The following TTLL11 variants were observed in gnomAD, a reference collection of about 807,000 sequenced individuals.
TTLL11 encodes tubulin tyrosine ligase like 11.
In TTLL11, 42 loss-of-function variants were observed where a neutral mutation model predicts 51.7. The ratio of observed to expected loss-of-function variants is 0.81; its 90% confidence interval spans 0.64 to 1.05. The LOEUF is 1.05. Ranked by LOEUF, TTLL11 falls within the 50% of genes least tolerant of loss-of-function variation. TTLL11 has a pLI of 0.00. For synonymous variants in TTLL11, 381 were observed against 383.5 expected (o/e 0.99, Z 0.08); for missense variants, 799 against 940.4 (o/e 0.85, Z 1.97).
At chr9:121,826,328 G>A (rs868472144) in intron 8 of TTLL11, among the ~76,000 whole-genome samples, 2 of 58,770 alleles carry the variant, frequency 3.4e-5, no homozygotes, top group African/African-American at 1.0e-4. Flanking sequence ...ATATATATAT[G>A]GGTTTATATA....
At chr9:121,831,479 T>A (rs1338259998) in intron 8 of TTLL11, among the ~76,000 whole-genome samples, 2 of 152,058 alleles carry the variant, frequency 1.3e-5, no homozygotes, top group Non-Finnish European at 2.9e-5. Context: ...GGTGGGTGGA[T>A]CATGAGGTCA....
rs546592335 is a variant in TTLL11 at position 121,969,169 on chromosome 9, C to T, written c.1481+4840G>A. Among the ~76,000 whole-genome samples, 10 of 152,278 alleles carry T rather than the reference C, an allele frequency of 6.6e-5. No homozygotes were observed. In the East Asian group the frequency reaches 1.9e-3, roughly 29 times the overall value. On this transcript the variant is annotated intron_variant, in intron 6 of 8. Transcript: ENST00000321582. The stretch of plus-strand genomic sequence containing the variant: ...ACAGGTGTGAGCCACCGTGCCCGGC[C>T]TCTCATTGTTTATTTGAACATCATT...
chr9:121,974,113 C>T lies in TTLL11; in HGVS notation c.1377G>A (p.Gly459=). The T allele has an allele frequency of 1.9e-6, 3 of 1,551,358 alleles. No individual in the cohort carries two copies. The highest frequency in any genetic ancestry group is 2.6e-6 in the Non-Finnish European group (3 of 1,146,884). Reference sequence around the variant, plus strand: ...CGAGGCTGGGGACATTTTCAAACACCCCTGGAGAAAGCTTGAACGGGTAAG... The same window carrying T: ...CGAGGCTGGGGACATTTTCAAACACTCCTGGAGAAAGCTTGAACGGGTAAG... ...RIEHEHELSP[G]VFENVPSLVD... The change falls in exon 6 of 9, where the codon GGG becomes GGA. Residue 459 remains glycine (G), a synonymous_variant. Transcript: ENST00000321582.
intron 2 of TTLL11, among the ~76,000 whole-genome samples, chr9:122,036,882 C>CTA (rs1844718443): frequency 6.6e-6 from 1 of 152,102 alleles, no homozygotes; most frequent in East Asian, 1.9e-4. Flanking sequence ...TGTTCCTCTG[C>CTA]CTAGAGGTTT....
Position 121,822,476 on chromosome 9 carries a change from GCTGGGCCCCTCGGCAGCCTGC to G in TTLL11, c.*90_*110del, listed in dbSNP as rs1836607469. On this transcript the variant is annotated 3_prime_UTR_variant, in exon 9 of 9. Coordinates refer to ENST00000321582, the MANE Select transcript of TTLL11 (RefSeq NM_001139442.2). The surrounding 1 kb of genome is among the most constrained non-coding windows in gnomAD (Gnocchi z 5.8). Reference sequence around the variant, plus strand: ...ACAGAGACAGTTCGTGGGGACCTCAGCTGGGCCCCTCGGCAGCCTGCCTGCCATTCCTCTGCAGGCAGAATG... The same window carrying G: ...ACAGAGACAGTTCGTGGGGACCTCAGCTGCCATTCCTCTGCAGGCAGAATG... 2 of 1,099,558 alleles carry G rather than the reference GCTGGGCCCCTCGGCAGCCTGC, an allele frequency of 1.8e-6. No homozygotes were observed. The highest frequency in any genetic ancestry group is 2.5e-6 in the Non-Finnish European group (2 of 800,534). 68.1% of individuals were successfully genotyped at this position (1,099,558 alleles called of 1,614,324 possible). A position where few individuals can be genotyped will look rare whatever the true frequency, so the allele number is the denominator to read the frequency against.
intron 7 of TTLL11, among the ~76,000 whole-genome samples, chr9:121,868,324 C>T (rs1588081898): frequency 6.6e-6 from 1 of 152,158 alleles, no homozygotes; most frequent in African/African-American, 2.4e-5. Flanking sequence ...CCTATCTGTT[C>T]TCTTCCTTCT....
At chr9:122,003,337 A>T (rs1843536559) in intron 3 of TTLL11, among the ~76,000 whole-genome samples, 1 of 151,992 alleles carries the variant, frequency 6.6e-6, no homozygotes, top group Admixed American at 6.6e-5. Flanking sequence ...ATGTGGACTG[A>T]TTATAATGTC....
chr9:121,984,457 A>G (rs1842898350), intron 4 of TTLL11, among the ~76,000 whole-genome samples: 1 of 152,150 alleles, frequency 6.6e-6, no homozygotes. Flanking sequence ...GGGAGGTACA[A>G]ATATGGTCTC....
At chr9:121,826,513 ATG>A (rs756911109) in intron 8 of TTLL11, among the ~76,000 whole-genome samples, 26,614 of 88,870 alleles carry the variant, frequency 0.3, 5,033 homozygotes, top group East Asian at 0.49. Flanking sequence ...ATATATATAT[ATG>A]TATATATATA....
intron 1 of TTLL11, among the ~76,000 whole-genome samples, chr9:122,065,549 C>T (rs778015040): frequency 1.6e-4 from 24 of 152,314 alleles, no homozygotes; most frequent in Admixed American, 2.6e-4. Flanking sequence ...AGTAGACTCA[C>T]GGAAGCAGCA....
At chr9:121,843,317 C>T (rs987561761) in intron 8 of TTLL11, among the ~76,000 whole-genome samples, 3 of 152,182 alleles carry the variant, frequency 2.0e-5, no homozygotes, top group African/African-American at 7.2e-5. Context: ...ACCATTGAGA[C>T]CTGTGAATAT....
At chr9:121,946,979 A>G (rs1037783070) in intron 6 of TTLL11, among the ~76,000 whole-genome samples, 3 of 152,038 alleles carry the variant, frequency 2.0e-5, no homozygotes, top group African/African-American at 7.2e-5. Flanking sequence ...GGTCCTCACT[A>G]TCCCTCATGG....
At chr9:121,922,639 C>G (rs936176985) in intron 6 of TTLL11, among the ~76,000 whole-genome samples, 1 of 152,110 alleles carries the variant, frequency 6.6e-6, no homozygotes, top group Non-Finnish European at 1.5e-5. Context: ...TTCTGGAAAT[C>G]CTATAGCAGC....
rs183641419 is a variant in TTLL11, at chr9:121,982,180, C to T, written c.1269+7015G>A. On this transcript the variant is annotated intron_variant, in intron 4 of 8. Coordinates refer to ENST00000321582, the MANE Select transcript of TTLL11 (RefSeq NM_001139442.2). ...CTCTGTGTCCATATTCCAAAAATTG[C>T]CCCCAGATGAAAAGCTGAGGCAACC... Among the ~76,000 whole-genome samples the T allele has an allele frequency of 1.5e-3, 224 of 152,284 alleles. 1 individual carries two copies. Among genetic ancestry groups the T allele is most frequent in the African/African-American group, 4.9e-3 (205 of 41,554 alleles).
At chr9:121,917,955 T>C (rs1440381375) in intron 6 of TTLL11, among the ~76,000 whole-genome samples, 1 of 151,190 alleles carries the variant, frequency 6.6e-6, no homozygotes, top group Non-Finnish European at 1.5e-5. Flanking sequence ...CCTAAATAAC[T>C]ATAAAAAGTA....
intron 6 of TTLL11, among the ~76,000 whole-genome samples, chr9:121,904,623 A>G (rs1839875894): frequency 6.6e-6 from 1 of 152,206 alleles, no homozygotes; most frequent in Non-Finnish European, 1.5e-5. Flanking sequence ...CCTCACACAT[A>G]AGAGAAACCT....
intron 6 of TTLL11, among the ~76,000 whole-genome samples, chr9:121,887,601 C>T (rs928842355): frequency 2.6e-5 from 4 of 152,236 alleles, no homozygotes; most frequent in African/African-American, 9.6e-5. Context: ...AAAGCACTAG[C>T]TCGGTGTCCC....
At chr9:121,957,435 G>C (rs1842056417) in intron 6 of TTLL11, among the ~76,000 whole-genome samples, 1 of 152,160 alleles carries the variant, frequency 6.6e-6, no homozygotes, top group African/African-American at 2.4e-5. Flanking sequence ...CTCTGAGCCT[G>C]TCACTGAGAC....
At chr9:122,056,943 T>C (rs567467819) in intron 1 of TTLL11, among the ~76,000 whole-genome samples, 3 of 151,668 alleles carry the variant, frequency 2.0e-5, no homozygotes, top group Non-Finnish European at 4.4e-5. Flanking sequence ...GGAATGGGAG[T>C]AGAGAGAAGC....
Sources: allele counts gnomAD v4.1 joint callset (sites outside exome capture counted in the v4.1 genomes callset), GRCh38; gene constraint gnomAD v4.1.1; non-coding constraint Gnocchi (gnomAD v3.1); transcripts MANE v1.5; gene names NCBI Gene and HGNC (gene_info 2026-07-23, HGNC 2026-07-21).